The following WWOX variants were observed in gnomAD, a reference collection of about 807,000 sequenced individuals.
WWOX encodes WW domain containing oxidoreductase, also known as WW domain-containing oxidoreductase.
Under a neutral mutation model 46.2 loss-of-function variants are expected in WWOX, and 69 were observed. The ratio of observed to expected loss-of-function variants is 1.49; its 90% CI spans 1.23 to 1.82. The LOEUF (loss-of-function observed/expected upper bound fraction) is 1.82. WWOX is among the 40% of genes most tolerant of loss of function. The probability of loss-of-function intolerance (pLI) is 0.00; values close to 1 mark genes in which losing one functional copy is unlikely to be tolerated. For missense variants in WWOX, 919 were observed against 542.6 expected (o/e 1.69, Z -6.89); for synonymous variants, 359 against 202.6 (o/e 1.77, Z -6.56).
chr16:78,594,772 A>G (rs2045446201), intron 8 of WWOX, among the ~76,000 whole-genome samples: 1 of 152,044 alleles, frequency 6.6e-6, no homozygotes, highest in African/African-American at 2.4e-5. Context: ...TATTTATTTT[A>G]TTTAGCATTC....
intron 8 of WWOX, among the ~76,000 whole-genome samples, chr16:78,600,130 G>A (rs543425168): frequency 3.7e-4 from 56 of 152,134 alleles, no homozygotes; most frequent in African/African-American, 1.2e-3. Context: ...AAAACCATCA[G>A]ATCTCGTGAG....
chr16:78,283,974 A>T (rs1873931678), intron 5 of WWOX, among the ~76,000 whole-genome samples: 3 of 152,240 alleles, frequency 2.0e-5, no homozygotes, highest in Non-Finnish European at 4.4e-5. Flanking sequence ...ACCCATTAAT[A>T]TCACGTCATG....
chr16:78,403,360 A>G (rs552223572), intron 6 of WWOX, among the ~76,000 whole-genome samples: 1 of 152,210 alleles, frequency 6.6e-6, no homozygotes, highest in Non-Finnish European at 1.5e-5. Context: ...CTATTCTATA[A>G]AGTTATTAAA....
intron 8 of WWOX, among the ~76,000 whole-genome samples, chr16:79,113,540 A>G (rs868112753): frequency 2.0e-5 from 3 of 152,250 alleles, no homozygotes; most frequent in Non-Finnish European, 4.4e-5. Flanking sequence ...GGAATGTCCT[A>G]TATTTTATAG....
At chr16:79,071,561 C>T (rs777640975) in intron 8 of WWOX, among the ~76,000 whole-genome samples, 7 of 152,322 alleles carry the variant, frequency 4.6e-5, no homozygotes, top group Non-Finnish European at 1.0e-4. Flanking sequence ...TTTTTAGAGT[C>T]CTAAGAAAGG....
chr16:78,390,694 G>C (rs1453923621), intron 6 of WWOX, among the ~76,000 whole-genome samples: 1 of 152,212 alleles, frequency 6.6e-6, no homozygotes, highest in Non-Finnish European at 1.5e-5. Context: ...ACTGTCAGAA[G>C]TGAATTTAAG....
rs551260417 is a variant in WWOX at position 78,984,352 on chromosome 16, C to G, written c.1057-227256C>G. 6.6e-5 allele frequency among the ~76,000 whole-genome samples: 10 copies of G among 152,268 alleles called. No homozygotes were observed. The East Asian group carries it at 1.9e-3, about 29-fold the overall frequency. Reference sequence around the variant, plus strand: ...AAGCACTCTCTAGGTCAAGAATCAGCAAATGTTTTCTATAGAGGCCCGTAA... The same window carrying G: ...AAGCACTCTCTAGGTCAAGAATCAGGAAATGTTTTCTATAGAGGCCCGTAA... On this transcript the variant is annotated intron_variant, in intron 8 of 8. Transcript: ENST00000566780.
intron 8 of WWOX, among the ~76,000 whole-genome samples, chr16:79,020,202 A>C (rs1048034640): frequency 2.0e-5 from 3 of 152,226 alleles, no homozygotes; most frequent in Non-Finnish European, 4.4e-5. Context: ...CAATTATAAT[A>C]AAGCAACTTA....
At chr16:78,444,536 T>TC (rs1163512477) in intron 8 of WWOX, among the ~76,000 whole-genome samples, 2 of 148,254 alleles carry the variant, frequency 1.3e-5, no homozygotes, top group African/African-American at 2.6e-5. Context: ...GCAATTCTTT[T>TC]TTTTTTTTTT....
intron 5 of WWOX, among the ~76,000 whole-genome samples, chr16:78,334,859 A>G (rs2151895203): frequency 6.9e-6 from 1 of 145,474 alleles, no homozygotes; most frequent in South Asian, 2.2e-4. Context: ...CACACACAAA[A>G]TCACCAAATC....
intron 8 of WWOX, among the ~76,000 whole-genome samples, chr16:78,561,169 G>T (rs1450758285): frequency 6.6e-6 from 1 of 152,106 alleles, no homozygotes; most frequent in African/African-American, 2.4e-5. Flanking sequence ...AGCTCCCAGA[G>T]GCAACCCACA....
At chr16:78,565,359 G>A (rs895469797) in intron 8 of WWOX, among the ~76,000 whole-genome samples, 10 of 152,216 alleles carry the variant, frequency 6.6e-5, no homozygotes, top group Non-Finnish European at 1.2e-4. Flanking sequence ...GGCTCTAGGG[G>A]AGAATCTGTT....
At chr16:78,328,990 T>C (rs971919718) in intron 5 of WWOX, among the ~76,000 whole-genome samples, 2 of 151,972 alleles carry the variant, frequency 1.3e-5, no homozygotes, top group Admixed American at 1.3e-4. Flanking sequence ...GCCTCCCGAG[T>C]ACCTGGGACT....
intron 8 of WWOX, among the ~76,000 whole-genome samples, chr16:79,178,056 G>C (rs903408157): frequency 4.6e-5 from 7 of 152,032 alleles, no homozygotes; most frequent in Non-Finnish European, 7.4e-5. Flanking sequence ...TTTTAGAAAG[G>C]CACAAATCCA....
At chr16:78,887,197 T>G (rs887457815) in intron 8 of WWOX, among the ~76,000 whole-genome samples, 4 of 150,986 alleles carry the variant, frequency 2.6e-5, no homozygotes, top group Non-Finnish European at 5.9e-5. Flanking sequence ...TGAACTAGAC[T>G]GTATGTCAAA....
chr16:78,710,309 T>TAG (rs150737069), intron 8 of WWOX, among the ~76,000 whole-genome samples: 1,812 of 151,412 alleles, frequency 0.012, 38 homozygotes, highest in African/African-American at 0.042. Context: ...TCTCTGAAAG[T>TAG]AGTCTTCAAG....
intron 8 of WWOX, chr16:78,896,888 T>A (rs1308681273): frequency 1.3e-5 from 2 of 151,734 alleles, no homozygotes; most frequent in African/African-American, 2.4e-5. Context: ...TTTTGAAAAA[T>A]GTATACGTGT....
intron 8 of WWOX, among the ~76,000 whole-genome samples, chr16:79,129,525 C>T (rs554126656): frequency 3.3e-5 from 5 of 151,284 alleles, no homozygotes; most frequent in African/African-American, 7.3e-5. Context: ...CAGAAAATGG[C>T]GGTTTATTCC....
At chr16:79,030,947 C>T (rs2047740298) in intron 8 of WWOX, among the ~76,000 whole-genome samples, 2 of 151,842 alleles carry the variant, frequency 1.3e-5, no homozygotes, top group Non-Finnish European at 2.9e-5. Context: ...AATAAATTGG[C>T]TGGGTATGGT....
Sources: gnomAD v4.1 joint callset for allele counts (sites outside exome capture counted in the v4.1 genomes callset) on GRCh38, gnomAD v4.1.1 for gene constraint, MANE v1.5 for transcripts, NCBI Gene and HGNC (gene_info 2026-07-23, HGNC 2026-07-21) for gene names.